CD5: variants seen among roughly 807,000 people sequenced by gnomAD.
CD5 encodes CD5 molecule.
CD5 carries 36 observed loss-of-function variants against 60.3 expected under a neutral mutation model. The ratio of observed to expected loss-of-function variants is 0.60; its 90% confidence interval spans 0.46 to 0.79. The LOEUF is 0.79. CD5 is among the 30% of genes least tolerant of loss of function. The pLI is 0.00. For missense variants in CD5, 540 were observed against 630.6 expected, an observed-to-expected ratio of 0.86 and a Z score of 1.54; for synonymous variants, 230 against 257.6, an observed-to-expected ratio of 0.89 and a Z score of 1.03.
At chr11:61,125,011 T>C (rs770951619) in intron 8 of CD5, 21 bp from the exon 9 acceptor site, 26 of 1,613,808 alleles carry the variant, frequency 1.6e-5, no homozygotes, top group Non-Finnish European at 2.0e-5. Context: ...AGTCTGACAC[T>C]GTCTCCTACC....
At position 61,118,236 on chromosome 11, in the gene CD5, C is replaced by G. The variant is rs373005084; in HGVS notation, c.156C>G (p.Leu52=). 6.2e-7 allele frequency: 1 copy of G among 1,614,134 alleles called. No homozygotes were observed. Among genetic ancestry groups the G allele is most frequent in the Non-Finnish European group, 8.5e-7 (1 of 1,180,062 alleles). ...SKCQGQLEVY[L]KDGWHMVCSQ... is the part of the protein sequence containing the mutation. ...GCCAGGGCCAGCTGGAGGTCTACCT[C>G]AAGGACGGATGGCACATGGTTTGCA... The change falls in exon 3 of 11, where the codon CTC becomes CTG. Residue 52 remains leucine (L), a synonymous_variant. Transcript: ENST00000347785. The surrounding 1 kb of genome is among the most constrained non-coding windows in gnomAD (Gnocchi z 4.7).
chr11:61,114,204 T>A (rs1223782727), intron 1 of CD5, among the ~76,000 whole-genome samples: 1 of 152,128 alleles, frequency 6.6e-6, no homozygotes, highest in African/African-American at 2.4e-5. Context: ...GTCCAACTTC[T>A]GGGCTCAAGC....
chr11:61,113,736 T>A (rs1327282246), intron 1 of CD5, among the ~76,000 whole-genome samples: 1 of 152,102 alleles, frequency 6.6e-6, no homozygotes, highest in Non-Finnish European at 1.5e-5. Flanking sequence ...TGGTGCAATC[T>A]CAGCTCACTG....
intron 2 of CD5, among the ~76,000 whole-genome samples, chr11:61,117,552 G>C (rs919575178): frequency 2.6e-5 from 4 of 151,984 alleles, no homozygotes; most frequent in Admixed American, 2.6e-4. Flanking sequence ...GCAGTGGCGC[G>C]ATCTTGGCTC....
At chr11:61,113,369 G>C (rs1318675380) in intron 1 of CD5, among the ~76,000 whole-genome samples, 1 of 152,178 alleles carries the variant, frequency 6.6e-6, no homozygotes, top group South Asian at 2.1e-4. Flanking sequence ...CCCCGCAATG[G>C]GCAACTTTGC....
rs1276758848 is a variant in CD5 at position 61,125,911 on chromosome 11, C to T, written c.*2+70C>T. On this transcript the variant is annotated intron_variant, in intron 10 of 10. Transcript: ENST00000347785. ...CAGTCCTGGGGGTGAGCAGCAGCCA[C>T]TCAATGCCTCCCCTCAGTCCCACCC... 7.2e-6 allele frequency: 7 copies of T among 971,896 alleles called. No homozygotes were observed. In the Admixed American group the frequency reaches 7.3e-5, roughly 10 times the overall value. The allele number at this position is 971,896 out of a possible 1,614,324, so 60.2% of individuals were successfully genotyped here.
chr11:61,115,250 T>C (rs72912990), intron 2 of CD5, among the ~76,000 whole-genome samples, 156 bp downstream of exon 2: 8,957 of 152,072 alleles, frequency 0.059, 331 homozygotes, highest in Non-Finnish European at 0.084. Context: ...CACAGGCACA[T>C]AGATGCAGAC....
At chr11:61,099,323 C>CA (rs1860623730), upstream of CD5, among the ~76,000 whole-genome samples, 1 of 151,578 alleles carries the variant, frequency 6.6e-6, no homozygotes, top group Non-Finnish European at 1.5e-5. Flanking sequence ...GGAGATCACA[C>CA]CCACAACACA....
At chr11:61,126,249 C>T (rs747597164) in intron 10 of CD5, 39 bp from the exon 11 acceptor site, 37 of 161,372 alleles carry the variant, frequency 2.3e-4, no homozygotes, top group Non-Finnish European at 4.3e-4. Context: ...ATCACCTCTG[C>T]GGTGTCTTCC....
At position 61,115,454 on chromosome 11, in the gene CD5, G is replaced by A. The variant is rs144551521; in HGVS notation, c.94+360G>A. 1.2e-3 allele frequency among the ~76,000 whole-genome samples: 185 copies of A among 152,316 alleles called. 1 individual carries two copies. The highest frequency in any genetic ancestry group is 4.3e-3 in the African/African-American group (180 of 41,566). On this transcript the variant is annotated intron_variant, in intron 2 of 10. Coordinates refer to ENST00000347785, the MANE Select transcript of CD5 (RefSeq NM_014207.4). ...TGCTCCATGGTCAAAGATGTTTAGA[G>A]CGGAGTCTGCAGAGAGAGGCCGCAG...
At chr11:61,099,753 A>C (rs1395304418), upstream of CD5, among the ~76,000 whole-genome samples, 1 of 151,796 alleles carries the variant, frequency 6.6e-6, no homozygotes, top group African/African-American at 2.4e-5. Flanking sequence ...CTACATGGAG[A>C]TCACATTCAC....
the CD5 span, among the ~76,000 whole-genome samples, chr11:61,096,177 C>T: frequency 4.6e-5 from 7 of 152,214 alleles, no homozygotes; most frequent in African/African-American, 1.7e-4. Context: ...GTCTAATCTC[C>T]CATGCTTGCA....
the CD5 span, among the ~76,000 whole-genome samples, chr11:61,094,148 A>G: frequency 0.4 from 61,076 of 151,056 alleles, 13,711 homozygotes; most frequent in East Asian, 0.92. Context: ...CCCCGCGGGG[A>G]ACTCTGGCCA....
intron 5 of CD5, among the ~76,000 whole-genome samples, chr11:61,120,244 G>A (rs1465811419): frequency 2.0e-5 from 3 of 152,276 alleles, no homozygotes; most frequent in East Asian, 1.9e-4. Flanking sequence ...CAGCTGAAAC[G>A]AAGGGAGAAA....
chr11:61,118,544 G>A lies in CD5; in HGVS notation c.400+64G>A, dbSNP rs959666146. 144 of 1,518,680 alleles carry A rather than the reference G, an allele frequency of 9.5e-5. No individual in the cohort carries two copies. Among genetic ancestry groups the A allele is most frequent in the African/African-American group, 1.8e-4 (13 of 73,188 alleles). The allele number at this position is 1,518,680 out of a possible 1,614,324, so 94.1% of individuals were successfully genotyped here. On this transcript the variant is annotated intron_variant, in intron 3 of 10. Transcript: ENST00000347785. This position sits in a 1 kb window ranked among gnomAD's most constrained non-coding sequence, Gnocchi z 4.7. ...GGCGCCAGCCCCGAGGAGACTGCCC[G>A]AGGCCTGTGATCTAGGGTCTGAGCA...
intron 8 of CD5, 52 bp from the exon 9 acceptor site, chr11:61,124,980 G>C: frequency 1.2e-6 from 2 of 1,610,956 alleles, no homozygotes; most frequent in Non-Finnish European, 1.7e-6. Context: ...GCTGGGGAAG[G>C]AGACGGAGGA....
At position 61,115,109 on chromosome 11, in the gene CD5, C is replaced by T. The variant is rs761641006; in HGVS notation, c.94+15C>T. ...GTATGACCCAGGTAAGGAAGAGCCA[C>T]ATGGAGAAAGGCCTGGGGCAGGGGG... On this transcript the variant is annotated intron_variant, in intron 2 of 10. Transcript: ENST00000347785. 3.2e-6 allele frequency: 5 copies of T among 1,553,276 alleles called. No homozygotes were observed. The South Asian group carries it at 4.7e-5, about 15-fold the overall frequency.
At position 61,127,294 on chromosome 11, in the gene CD5, G is replaced by A. The variant is rs1035660378; in HGVS notation, c.*1009G>A. The A allele has an allele frequency of 2.0e-5, 3 of 151,502 alleles. No individual in the cohort carries two copies. The highest frequency in any genetic ancestry group is 4.4e-5 in the Non-Finnish European group (3 of 68,012). 9.4% of individuals were successfully genotyped at this position (151,502 alleles called of 1,614,324 possible). A position where few individuals can be genotyped will look rare whatever the true frequency, so the allele number is the denominator to read the frequency against. ...AGAGGAGGTCTACCCAGGAGCCTCG[G>A]GTCTGATCAAGGGAGAGGCCAGGCG... is the stretch of plus-strand genomic sequence containing the variant. On this transcript the variant is annotated 3_prime_UTR_variant, in exon 11 of 11. Transcript: ENST00000347785.
chr11:61,099,478 T>TCACACACACACAACATGGAGATCACA (rs71043745), upstream of CD5, among the ~76,000 whole-genome samples: 1 of 105,576 alleles, frequency 9.5e-6, no homozygotes, highest in East Asian at 2.8e-4. Context: ...AACATGGAGA[T>TCACACACACACAACATGGAGATCACA]CACACACACA....
Sources: allele counts gnomAD v4.1 joint callset (sites outside exome capture counted in the v4.1 genomes callset), GRCh38; gene constraint gnomAD v4.1.1; non-coding constraint Gnocchi (gnomAD v3.1); transcripts MANE v1.5; gene names NCBI Gene and HGNC (gene_info 2026-07-23, HGNC 2026-07-21).